Variants in DLGAP1 observed in about 807,000 individuals in gnomAD.
DLGAP1 encodes disks large-associated protein 1.
Under a neutral mutation model 90.8 loss-of-function variants are expected in DLGAP1, and 11 were observed. That is an observed-to-expected ratio of 0.12 (90% CI 0.08 to 0.20). The LOEUF (loss-of-function observed/expected upper bound fraction) is 0.20, where lower values mean the gene tolerates loss of function less well. DLGAP1 is among the 10% of genes least tolerant of loss of function. DLGAP1 has a pLI of 1.00. For missense variants in DLGAP1, 1,050 were observed against 1,333.8 expected (o/e 0.79, Z 3.31); for synonymous variants, 558 against 540.7 (o/e 1.03, Z -0.44).
At chr18:4,008,784 T>A (rs944208948) in intron 2 of DLGAP1, among the ~76,000 whole-genome samples, 4 of 152,250 alleles carry the variant, frequency 2.6e-5, no homozygotes. Flanking sequence ...TTTACTTTTC[T>A]GACTTTTAAA....
chr18:4,063,411 A>C (rs774596006), intron 2 of DLGAP1, among the ~76,000 whole-genome samples: 34 of 152,244 alleles, frequency 2.2e-4, no homozygotes, highest in Non-Finnish European at 1.5e-5. Flanking sequence ...TAAGATACAG[A>C]AGAGAGGATC....
intron 3 of DLGAP1, among the ~76,000 whole-genome samples, chr18:3,957,695 A>T (rs749681719): frequency 6.6e-5 from 10 of 152,204 alleles, no homozygotes; most frequent in Non-Finnish European, 1.3e-4. Flanking sequence ...ATTTAAAATC[A>T]TTGATGATTA....
At chr18:3,969,926 T>A (rs1192949281) in intron 3 of DLGAP1, among the ~76,000 whole-genome samples, 2 of 152,216 alleles carry the variant, frequency 1.3e-5, no homozygotes, top group African/African-American at 4.8e-5. Context: ...TTCTTAAGAC[T>A]ATCAGTCCTG....
At chr18:3,597,099 T>A in intron 7 of DLGAP1, 1 of 520,062 alleles carries the variant, frequency 1.9e-6, no homozygotes, top group South Asian at 1.4e-5. Flanking sequence ...CTCTTTTTTT[T>A]TTCACTCTCA....
chr18:4,449,857 G>T (rs186529741), intron 1 of DLGAP1, among the ~76,000 whole-genome samples: 6 of 152,284 alleles, frequency 3.9e-5, no homozygotes, highest in Non-Finnish European at 7.4e-5. Flanking sequence ...GAGGGGGAAA[G>T]ATTTCTTAGC....
At chr18:4,024,011 G>A (rs1452175190) in intron 2 of DLGAP1, among the ~76,000 whole-genome samples, 2 of 151,938 alleles carry the variant, frequency 1.3e-5, no homozygotes, top group East Asian at 3.9e-4. Context: ...CATTTATCTC[G>A]ATGTAATTGA....
At chr18:4,122,456 G>A (rs891247334) in intron 2 of DLGAP1, among the ~76,000 whole-genome samples, 1 of 152,110 alleles carries the variant, frequency 6.6e-6, no homozygotes, top group Non-Finnish European at 1.5e-5. Context: ...GGGGTGATGC[G>A]GGAGAAATAC....
intron 7 of DLGAP1, chr18:3,728,006 A>G (rs2147440263): frequency 6.6e-6 from 1 of 152,206 alleles, no homozygotes; most frequent in East Asian, 1.9e-4. Flanking sequence ...TATCACCTCA[A>G]TTCCATATAT....
intron 7 of DLGAP1, chr18:3,608,440 A>G (rs546820038): frequency 6.6e-6 from 1 of 152,294 alleles, no homozygotes; most frequent in African/African-American, 2.4e-5. Context: ...GTATTGTTTG[A>G]GAAAATAAAT....
intron 2 of DLGAP1, among the ~76,000 whole-genome samples, chr18:4,068,792 A>G (rs2075405670): frequency 6.6e-6 from 1 of 152,160 alleles, no homozygotes; most frequent in African/African-American, 2.4e-5. Flanking sequence ...CAAATGTGTA[A>G]AAGCCAGGAA....
intron 7 of DLGAP1, among the ~76,000 whole-genome samples, chr18:3,686,908 G>T (rs1239472959): frequency 6.6e-6 from 1 of 152,194 alleles, no homozygotes; most frequent in Non-Finnish European, 1.5e-5. Context: ...TCCTGAGGTG[G>T]TGAGATTATC....
intron 8 of DLGAP1, among the ~76,000 whole-genome samples, chr18:3,572,584 G>A (rs1240901241): frequency 6.6e-6 from 1 of 152,130 alleles, no homozygotes; most frequent in Non-Finnish European, 1.5e-5. Flanking sequence ...CGAGTAGCTG[G>A]GACTACAGGC....
intron 1 of DLGAP1, among the ~76,000 whole-genome samples, chr18:4,385,410 G>T (rs2082210084): frequency 6.6e-6 from 1 of 152,032 alleles, no homozygotes; most frequent in East Asian, 1.9e-4. Flanking sequence ...GGTCAAAACG[G>T]CATTAGATTG....
At chr18:3,640,722 T>G (rs552577578) in intron 7 of DLGAP1, among the ~76,000 whole-genome samples, 10 of 152,356 alleles carry the variant, frequency 6.6e-5, no homozygotes, top group Admixed American at 2.0e-4. Context: ...ACCCGGCAGT[T>G]TCCTGTGCTT....
intron 2 of DLGAP1, among the ~76,000 whole-genome samples, chr18:4,125,201 G>A (rs1347305198): frequency 6.6e-6 from 1 of 152,206 alleles, no homozygotes; most frequent in Non-Finnish European, 1.5e-5. Context: ...GGTGCTTATG[G>A]GTGATGGATA....
Position 3,897,972 on chromosome 18 carries a change from T to C in DLGAP1, c.-72-17832A>G, listed in dbSNP as rs563868355. On this transcript the variant is annotated intron_variant, in intron 3 of 12. Coordinates refer to ENST00000315677, the MANE Select transcript of DLGAP1 (RefSeq NM_004746.4). ...ACCGCGCCCGGCTAATTTTTTGTAT[T>C]TTTAGTAGAGACGGGGTTTCACCTT... Among the ~76,000 whole-genome samples, 327 of 151,842 alleles carry C rather than the reference T, an allele frequency of 2.2e-3. 4 individuals are homozygous for C. Among genetic ancestry groups the C allele is most frequent in the Non-Finnish European group, 3.2e-3 (215 of 67,878 alleles).
At chr18:4,331,176 C>T (rs573017855) in intron 1 of DLGAP1, among the ~76,000 whole-genome samples, 1 of 151,896 alleles carries the variant, frequency 6.6e-6, no homozygotes, top group Non-Finnish European at 1.5e-5. Context: ...TTGATTACTG[C>T]TTGTGTGGCA....
chr18:4,256,650 T>A (rs190130331), intron 1 of DLGAP1, among the ~76,000 whole-genome samples: 1 of 152,176 alleles, frequency 6.6e-6, no homozygotes, highest in Non-Finnish European at 1.5e-5. Flanking sequence ...TTACATGAGT[T>A]TTTTTTAATA....
chr18:3,671,959 A>G (rs2060101168), intron 7 of DLGAP1, among the ~76,000 whole-genome samples: 1 of 152,206 alleles, frequency 6.6e-6, no homozygotes, highest in African/African-American at 2.4e-5. Flanking sequence ...AGAGTCCTGC[A>G]TAATTCATGT....
Sources: gnomAD v4.1 joint callset for allele counts (sites outside exome capture counted in the v4.1 genomes callset) on GRCh38, gnomAD v4.1.1 for gene constraint, MANE v1.5 for transcripts, NCBI Gene and HGNC (gene_info 2026-07-23, HGNC 2026-07-21) for gene names.